The following RTTN variants were observed in gnomAD, a reference collection of about 807,000 sequenced individuals.
RTTN encodes the protein rotatin.
A neutral mutation model predicts 269.2 loss-of-function variants in RTTN; 182 were observed. The ratio of observed to expected loss-of-function variants is 0.68; its 90% CI spans 0.60 to 0.76. The LOEUF (loss-of-function observed/expected upper bound fraction) is 0.76, where lower values mean the gene tolerates loss of function less well. Ranked by LOEUF, RTTN falls within the 30% of genes least tolerant of loss-of-function variation. RTTN has a pLI of 0.00. For synonymous variants in RTTN, 1,006 were observed against 963.5 expected (o/e 1.04, Z -0.82); for missense variants, 2,545 against 2,608.6 (o/e 0.98, Z 0.53).
rs79908184 is a variant in RTTN at position 70,177,203 on chromosome 18, G to A, written c.1306-358C>T. Among the ~76,000 whole-genome samples, 495 of 152,160 alleles carry A rather than the reference G, an allele frequency of 3.3e-3. 3 individuals carry two copies. Among genetic ancestry groups the A allele is most frequent in the Non-Finnish European group, 5.6e-3 (381 of 68,022 alleles). ...TGGAACGTTAACACGCAAACCCCTC[G>A]TCAAGTATTTCTTATGCTTACTATA... is the stretch of plus-strand genomic sequence containing the variant. On this transcript the variant is annotated intron_variant, in intron 10 of 48. Transcript: ENST00000640769.
At chr18:70,091,457 C>G (rs1178197277) in intron 30 of RTTN, 1 of 152,058 alleles carries the variant, frequency 6.6e-6, no homozygotes, top group Non-Finnish European at 1.5e-5. Context: ...TACCACCCCT[C>G]CCTCCCCTGC....
intron 14 of RTTN, among the ~76,000 whole-genome samples, chr18:70,155,246 A>G (rs1333732579): frequency 1.3e-5 from 2 of 152,214 alleles, no homozygotes; most frequent in East Asian, 3.8e-4. Context: ...AAATCCCTAA[A>G]GGCAAGGCAG....
intron 28 of RTTN, among the ~76,000 whole-genome samples, chr18:70,106,453 T>C (rs1193678896): frequency 6.6e-6 from 1 of 152,204 alleles, no homozygotes; most frequent in African/African-American, 2.4e-5. Flanking sequence ...ATTAGGTAAG[T>C]ATCCAACCTT....
At chr18:70,197,875 G>T in intron 5 of RTTN, 137 bp from the exon 6 acceptor site, 4 of 612,642 alleles carry the variant, frequency 6.5e-6, no homozygotes, top group South Asian at 5.9e-5. Flanking sequence ...AGCCTTCCTA[G>T]ATCTTTTCCC....
chr18:70,054,479 C>T (rs564035466), intron 37 of RTTN, among the ~76,000 whole-genome samples, 195 bp from the exon 38 acceptor site: 53 of 152,304 alleles, frequency 3.5e-4, no homozygotes, highest in Admixed American at 9.1e-4. Context: ...TTAATACTGT[C>T]AACTATACAC....
At chr18:70,100,328 TTC>T (rs2059125176) in intron 28 of RTTN, among the ~76,000 whole-genome samples, 1 of 152,230 alleles carries the variant, frequency 6.6e-6, no homozygotes, top group African/African-American at 2.4e-5. Context: ...AGGTATTTTA[TTC>T]TCTTTGAAGC....
At chr18:70,114,920 T>A (rs939656843) in intron 26 of RTTN, among the ~76,000 whole-genome samples, 2 of 152,036 alleles carry the variant, frequency 1.3e-5, no homozygotes, top group African/African-American at 4.8e-5. Flanking sequence ...ATAAACAGAA[T>A]TAAAACAGTA....
At chr18:70,091,139 T>A (rs539604782) in intron 30 of RTTN, among the ~76,000 whole-genome samples, 1 of 152,306 alleles carries the variant, frequency 6.6e-6, no homozygotes, top group Non-Finnish European at 1.5e-5. Context: ...GACATTTAGA[T>A]GAGATTTTGG....
intron 30 of RTTN, among the ~76,000 whole-genome samples, chr18:70,091,362 G>A (rs1169037089): frequency 6.6e-6 from 1 of 151,800 alleles, no homozygotes; most frequent in African/African-American, 2.4e-5. Context: ...AGATAATTAA[G>A]GTTTAAAGAG....
intron 10 of RTTN, among the ~76,000 whole-genome samples, chr18:70,187,026 G>A (rs2061563085): frequency 6.6e-6 from 1 of 152,052 alleles, no homozygotes; most frequent in Non-Finnish European, 1.5e-5. Context: ...AAGTTTTTTA[G>A]AAAAACAGCA....
intron 26 of RTTN, among the ~76,000 whole-genome samples, chr18:70,116,849 G>A (rs1409270965): frequency 6.6e-6 from 1 of 151,996 alleles, no homozygotes; most frequent in East Asian, 1.9e-4. Context: ...TATATATGCT[G>A]TGTAGTTCTG....
Position 70,190,595 on chromosome 18 carries a change from T to G in RTTN, c.1132A>C (p.Ser378Arg). 6.2e-7 allele frequency: 1 copy of G among 1,613,818 alleles called. No individual in the cohort carries two copies. The highest frequency in any genetic ancestry group is 8.5e-7 in the Non-Finnish European group (1 of 1,179,682). The change falls in exon 9 of 49, where the codon AGT becomes CGT. Residue 378 changes from serine to arginine, a missense_variant. Coordinates refer to ENST00000640769, the MANE Select transcript of RTTN (RefSeq NM_173630.4). ...ATGGAGACACAAAACTGGGGAAGAC[T>G]GAGCTGCTGGAATTGTAGTTCCAAT... ...DTLELQFQQL[S>R]LPQFCVSILE...
chr18:70,067,155 G>C (rs1393658965), intron 34 of RTTN, among the ~76,000 whole-genome samples: 1 of 130,138 alleles, frequency 7.7e-6, no homozygotes, highest in African/African-American at 2.5e-5. Context: ...ATAACCTAAA[G>C]CTTGTTTATT....
chr18:70,104,624 G>A (rs2059271326), intron 28 of RTTN, among the ~76,000 whole-genome samples: 1 of 152,110 alleles, frequency 6.6e-6, no homozygotes, highest in African/African-American at 2.4e-5. Context: ...CCATCTTTGT[G>A]GTTTTATCTA....
chr18:70,155,357 AAAC>A (rs2060646165), intron 14 of RTTN, among the ~76,000 whole-genome samples: 1 of 152,254 alleles, frequency 6.6e-6, no homozygotes, highest in South Asian at 2.1e-4. Context: ...CTGCTAAAAT[AAAC>A]AACATAAGGA....
At chr18:70,159,188 G>A (rs1016474869) in intron 14 of RTTN, among the ~76,000 whole-genome samples, 4 of 152,078 alleles carry the variant, frequency 2.6e-5, no homozygotes, top group African/African-American at 4.8e-5. Flanking sequence ...ACACTCAGCT[G>A]TAAAGCAATT....
chr18:70,202,891 A>T (rs1284374578), intron 3 of RTTN, among the ~76,000 whole-genome samples: 1 of 152,234 alleles, frequency 6.6e-6, no homozygotes, highest in Admixed American at 6.5e-5. Flanking sequence ...GTTGTTGTGA[A>T]CCGCAGTACC....
chr18:70,058,748 G>A (rs531788624), intron 36 of RTTN, among the ~76,000 whole-genome samples: 3 of 152,126 alleles, frequency 2.0e-5, no homozygotes, highest in East Asian at 3.9e-4. Flanking sequence ...CATCCAGGAA[G>A]GAAAGCCAAC....
At chr18:70,156,481 C>T (rs1033382468) in intron 14 of RTTN, among the ~76,000 whole-genome samples, 22 of 152,172 alleles carry the variant, frequency 1.4e-4, no homozygotes, top group African/African-American at 4.1e-4. Context: ...ATTTTGCCTG[C>T]GGTCCTGCGG....
Sources: gnomAD v4.1 joint callset for allele counts (sites outside exome capture counted in the v4.1 genomes callset) on GRCh38, gnomAD v4.1.1 for gene constraint, MANE v1.5 for transcripts, NCBI Gene and HGNC (gene_info 2026-07-23, HGNC 2026-07-21) for gene names.